GOLGA6L7: variants seen among roughly 807,000 people sequenced by gnomAD.
The protein encoded by GOLGA6L7 is golgin A6 family like 7.
A neutral mutation model predicts 68.9 loss-of-function variants in GOLGA6L7; 29 were observed. That is an observed-to-expected ratio of 0.42 (90% CI 0.31 to 0.57). The LOEUF (loss-of-function observed/expected upper bound fraction) is 0.57, where lower values mean the gene tolerates loss of function less well. Ranked by LOEUF, GOLGA6L7 falls within the 20% of genes least tolerant of loss-of-function variation. GOLGA6L7 has a pLI of 0.13. For missense variants in GOLGA6L7, 396 were observed against 588.4 expected (o/e 0.67, Z 3.38); for synonymous variants, 133 against 197.4 (o/e 0.67, Z 2.73).
At position 28,843,021 on chromosome 15, in the gene GOLGA6L7, C is replaced by G. The variant is rs1473609616; in HGVS notation, c.1083G>C (p.Gln361His). The change falls in exon 9 of 9, where the codon CAG (glutamine) becomes CAC (histidine). Residue 361 changes from glutamine (Q) to histidine (H), a missense_variant. Transcript: ENST00000567390. ...QKEQMRKQEE[Q>H]MWKQEEQIGE... is the part of the protein sequence containing the mutation. ...CTATCTGCTCCTCCTGCTTCCACAT[C>G]TGCTCCTCCTGCTTCCGCATCTGCT... is the stretch of plus-strand genomic sequence containing the variant. 4 of 1,140,536 alleles carry G rather than the reference C, an allele frequency of 3.5e-6. No individual in the cohort carries two copies. The highest frequency in any genetic ancestry group is 4.3e-6 in the Non-Finnish European group (4 of 922,008). The allele number at this position is 1,140,536 out of a possible 1,614,324, so 70.7% of individuals were successfully genotyped here.
Position 28,845,561 on chromosome 15 carries a change from C to G in GOLGA6L7, c.430G>C (p.Ala144Pro), listed in dbSNP as rs1183214828. The G allele has an allele frequency of 2.6e-6, 2 of 759,542 alleles. No homozygotes were observed. The highest frequency in any genetic ancestry group is 2.3e-6 in the Non-Finnish European group (1 of 436,990). 47.1% of individuals were successfully genotyped at this position (759,542 alleles called of 1,614,324 possible). ...FAGELQRALSAMSAEHERADK... is the reference protein window; with the variant it reads ...FAGELQRALSPMSAEHERADK... ...GCCCTCTCGTGCTCTGCGGACATAGCAGAGAGAGCCCGCTGTAACTCTCCT... is the reference window on the plus strand; with the variant it reads ...GCCCTCTCGTGCTCTGCGGACATAGGAGAGAGAGCCCGCTGTAACTCTCCT... Residue 144 changes from alanine (A) to proline (P), a missense_variant, in exon 6 of 9, where the codon GCT becomes CCT. Around this residue, in one of 5 missense-constraint regions of GOLGA6L7, gnomAD observed 125 missense variants for 119.4 expected, o/e 1.05. Coordinates refer to ENST00000567390, the MANE Select transcript of GOLGA6L7 (RefSeq NM_001365371.2).
intron 6 of GOLGA6L7, chr15:28,845,182 T>C (rs1345287308): frequency 4.7e-6 from 2 of 430,014 alleles, no homozygotes; most frequent in African/African-American, 4.2e-5. Flanking sequence ...GTGTTCCCTC[T>C]CTCTACACAA....
chr15:28,846,311 G>A, intron 2 of GOLGA6L7, 62 bp from the exon 3 acceptor site: 3 of 748,302 alleles, frequency 4.0e-6, no homozygotes, highest in Non-Finnish European at 7.3e-6. Context: ...CCCCAGGCCA[G>A]GAAGCGGTAG....
chr15:28,843,702 G>C, intron 8 of GOLGA6L7, 32 bp downstream of exon 8: 3 of 631,018 alleles, frequency 4.8e-6, no homozygotes, highest in Non-Finnish European at 8.4e-6. Context: ...GCCGGATGCG[G>C]CTCCCACACC....
At chr15:28,844,370 G>C (rs1342228582) in intron 6 of GOLGA6L7, 107 bp from the exon 7 acceptor site, 1 of 396,980 alleles carries the variant, frequency 2.5e-6, no homozygotes. Context: ...GCTCCTCTCC[G>C]TCACACCCGA....
rs2030396830 is a variant in GOLGA6L7 at position 28,845,642 on chromosome 15, TGA to T, written c.356-9_356-8del. 1 of 738,686 alleles carries T rather than the reference TGA, an allele frequency of 1.4e-6. No individual in the cohort carries two copies. The highest frequency in any genetic ancestry group is 1.4e-5 in the South Asian group (1 of 69,408). 45.8% of individuals were successfully genotyped at this position (738,686 alleles called of 1,614,324 possible). A position where few individuals can be genotyped will look rare whatever the true frequency, so the allele number is the denominator to read the frequency against. ...GCCAGATCCTTGGAATCTTCTGGAATGAGAGAGGTTGAGCTGCAGCCCAAAGG... is the reference window on the plus strand; with the variant it reads ...GCCAGATCCTTGGAATCTTCTGGAATGAGAGGTTGAGCTGCAGCCCAAAGG... On this transcript the variant is annotated splice_polypyrimidine_tract_variant and splice_region_variant and intron_variant, in intron 5 of 8. Coordinates refer to ENST00000567390, the MANE Select transcript of GOLGA6L7 (RefSeq NM_001365371.2).
chr15:28,842,607 C>G lies in GOLGA6L7; in HGVS notation c.1497G>C (p.Leu499=). The G allele has an allele frequency of 2.3e-6, 3 of 1,294,466 alleles. No individual in the cohort carries two copies. Among genetic ancestry groups the G allele is most frequent in the African/African-American group, 1.5e-5 (1 of 65,346 alleles). The allele number at this position is 1,294,466 out of a possible 1,614,324, so 80.2% of individuals were successfully genotyped here. The change falls in exon 9 of 9, where the codon CTG becomes CTC. Residue 499 remains leucine, a synonymous_variant. Transcript: ENST00000567390. Reference sequence around the variant, plus strand: ...CCCACAGCCTCTCCTCCTTGAATTGCAGCCTCTCCACCTGCTTCCGCATCT... The same window carrying G: ...CCCACAGCCTCTCCTCCTTGAATTGGAGCCTCTCCACCTGCTTCCGCATCT... ...EEQMRKQVER[L]QFKEERLWDE...
intron 1 of GOLGA6L7, among the ~76,000 whole-genome samples, chr15:28,847,841 A>T (rs1216849928): frequency 6.6e-6 from 1 of 152,262 alleles, no homozygotes; most frequent in Non-Finnish European, 1.5e-5. Flanking sequence ...CACTTCAAAG[A>T]TCACTGACTG....
intron 1 of GOLGA6L7, among the ~76,000 whole-genome samples, chr15:28,848,258 A>C (rs397842976): frequency 3.3e-5 from 5 of 151,782 alleles, no homozygotes; most frequent in East Asian, 3.9e-4. Context: ...GGCAGAGTAC[A>C]AAGCAGGGAG....
In GOLGA6L7 at chr15:28,842,810, G is replaced by C. The variant is rs1187977974; in HGVS notation, c.1294C>G (p.Gln432Glu). 44 of 1,229,888 alleles carry C rather than the reference G, an allele frequency of 3.6e-5. No individual in the cohort carries two copies. The highest frequency in any genetic ancestry group is 3.0e-5 in the Non-Finnish European group (30 of 995,804). 76.2% of individuals were successfully genotyped at this position (1,229,888 alleles called of 1,614,324 possible). A position where few individuals can be genotyped will look rare whatever the true frequency, so the allele number is the denominator to read the frequency against. Residue 432 changes from glutamine (Q) to glutamate (E), a missense_variant, in exon 9 of 9, where the codon CAG becomes GAG. Coordinates refer to ENST00000567390, the MANE Select transcript of GOLGA6L7 (RefSeq NM_001365371.2). ...TCCTGCTCCCCCATCTGCTCCTCCT[G>C]CTTCCGGATCTGCTCCTCCTGCTCC... ...MGEQEEQIRK[Q>E]EEQMGEQEEQ... is the part of the protein sequence containing the mutation.
At chr15:28,846,666 A>G (rs2030442293) in intron 2 of GOLGA6L7, 2 of 349,492 alleles carry the variant, frequency 5.7e-6, no homozygotes, top group South Asian at 3.5e-5. Context: ...CAAGGTTTCC[A>G]TTCTAGTGAA....
Position 28,846,208 on chromosome 15 carries a change from A to C in GOLGA6L7, c.210+12T>G. On this transcript the variant is annotated intron_variant, in intron 3 of 8. Transcript: ENST00000567390. The stretch of plus-strand genomic sequence containing the variant: ...GCGGTCATGTCGTGAGCAAAGAAAG[A>C]AACCATGTTACCTCTTTCAGCTGAG... 1.3e-6 allele frequency: 1 copy of C among 757,090 alleles called. No individual in the cohort carries two copies. The highest frequency in any genetic ancestry group is 2.4e-6 in the Non-Finnish European group (1 of 417,302). The allele number at this position is 757,090 out of a possible 1,614,324, so 46.9% of individuals were successfully genotyped here.
intron 1 of GOLGA6L7, among the ~76,000 whole-genome samples, chr15:28,847,496 G>C (rs1327172106): frequency 6.6e-6 from 1 of 152,076 alleles, no homozygotes; most frequent in East Asian, 1.9e-4. Context: ...GGTGTACACT[G>C]TGTGGTTTAC....
chr15:28,845,979 C>T (rs1339975144), intron 3 of GOLGA6L7, 29 bp from the exon 4 acceptor site: 7 of 1,100,810 alleles, frequency 6.4e-6, no homozygotes, highest in South Asian at 1.3e-5. Flanking sequence ...AGACAGAGCT[C>T]TTACTAGAGG....
At position 28,841,868 on chromosome 15, in the gene GOLGA6L7, ACAAGACAACG is replaced by A. The variant is rs904351085; in HGVS notation, c.*357_*366del. 1.3e-5 allele frequency: 2 copies of A among 156,162 alleles called. No homozygotes were observed. Among genetic ancestry groups the A allele is most frequent in the African/African-American group, 4.8e-5 (2 of 41,578 alleles). The allele number at this position is 156,162 out of a possible 1,614,324, so 9.7% of individuals were successfully genotyped here. A position where few individuals can be genotyped will look rare whatever the true frequency, so the allele number is the denominator to read the frequency against. On this transcript the variant is annotated 3_prime_UTR_variant, in exon 9 of 9. Transcript: ENST00000567390. ...AAAACTTTACTAGGCATGCCATAAG[ACAAGACAACG>A]CAAGACAAAAGGAGAAAACAAACAA...
Position 28,842,128 on chromosome 15 carries a change from T to C in GOLGA6L7, c.*107A>G, listed in dbSNP as rs2030207241. ...CAGGCCACCGTGCCCGGCCAGTATTTTGCCACAATTTAAAATAAATTTTCT... is the reference window on the plus strand; with the variant it reads ...CAGGCCACCGTGCCCGGCCAGTATTCTGCCACAATTTAAAATAAATTTTCT... On this transcript the variant is annotated 3_prime_UTR_variant, in exon 9 of 9. Transcript: ENST00000567390. 9.8e-7 allele frequency: 1 copy of C among 1,021,866 alleles called. No homozygotes were observed. Among genetic ancestry groups the C allele is most frequent in the Admixed American group, 4.3e-5 (1 of 23,286 alleles). The allele number at this position is 1,021,866 out of a possible 1,614,324, so 63.3% of individuals were successfully genotyped here. A position where few individuals can be genotyped will look rare whatever the true frequency, so the allele number is the denominator to read the frequency against.
Position 28,845,715 on chromosome 15 carries a change from C to T in GOLGA6L7, c.355+3G>A, listed in dbSNP as rs1388823717. 1 of 777,608 alleles carries T rather than the reference C, an allele frequency of 1.3e-6. No homozygotes were observed. The highest frequency in any genetic ancestry group is 1.7e-5 in the Admixed American group (1 of 57,376). 48.2% of individuals were successfully genotyped at this position (777,608 alleles called of 1,614,324 possible). A position where few individuals can be genotyped will look rare whatever the true frequency, so the allele number is the denominator to read the frequency against. On this transcript the variant is annotated splice_donor_region_variant and intron_variant, in intron 5 of 8. Transcript: ENST00000567390. ...AAGGATGACGGGGTGCCCAGATTCC[C>T]ACCTTCAAATTTCCTGGCAGCATCC... is the stretch of plus-strand genomic sequence containing the variant.
chr15:28,841,901 CA>C lies in GOLGA6L7; in HGVS notation c.*333del, dbSNP rs1008868941. ...ACGCAAGACAAAAGGAGAAAACAAA[CA>C]AAAAAAACAATAGAAACATACATAG... On this transcript the variant is annotated 3_prime_UTR_variant, in exon 9 of 9. Transcript: ENST00000567390. 2.5e-5 allele frequency: 4 copies of C among 159,896 alleles called. No homozygotes were observed. Among genetic ancestry groups the C allele is most frequent in the Non-Finnish European group, 4.0e-5 (3 of 75,768 alleles). The allele number at this position is 159,896 out of a possible 1,614,324, so 9.9% of individuals were successfully genotyped here.
chr15:28,844,142 C>T (rs2030321037), intron 7 of GOLGA6L7, 63 bp downstream of exon 7: 1 of 491,568 alleles, frequency 2.0e-6, no homozygotes, highest in Admixed American at 3.6e-5. Flanking sequence ...TACCCCCCAC[C>T]TCCCAGCACA....
Sources: allele counts gnomAD v4.1 joint callset (sites outside exome capture counted in the v4.1 genomes callset), GRCh38; gene constraint gnomAD v4.1.1; regional missense constraint gnomAD v4.1.1; transcripts MANE v1.5; gene names NCBI Gene and HGNC (gene_info 2026-07-23, HGNC 2026-07-21).